The following SPATA13 variants were observed in gnomAD, a reference collection of about 807,000 sequenced individuals.
SPATA13 encodes spermatogenesis-associated protein 13.
Under a neutral mutation model 104.0 loss-of-function variants are expected in SPATA13, and 50 were observed. The observed-to-expected ratio is 0.48, with a 90% CI of 0.38 to 0.61. SPATA13 has a LOEUF of 0.61. Among genes scored for constraint, SPATA13 ranks in the 20% least tolerant of loss-of-function variants. SPATA13 has a pLI of 0.00. For missense variants in SPATA13, 1,524 were observed against 1,690.6 expected, an observed-to-expected ratio of 0.90 and a Z score of 1.73; for synonymous variants, 606 against 667.5, an observed-to-expected ratio of 0.91 and a Z score of 1.42.
At chr13:24,289,233 G>A (rs1876166131) in intron 8 of SPATA13, 55 bp downstream of exon 8, 3 of 1,430,088 alleles carry the variant, frequency 2.1e-6, no homozygotes, top group Non-Finnish European at 2.9e-6. Context: ...ATTTTGAAGT[G>A]CATCTCCACA....
At chr13:24,095,383 A>T (rs1880039404) in intron 3 of SPATA13, among the ~76,000 whole-genome samples, 1 of 152,116 alleles carries the variant, frequency 6.6e-6, no homozygotes, top group Admixed American at 6.5e-5. Flanking sequence ...AGAGATAGGA[A>T]ATAGAAGGGT....
intron 1 of SPATA13, among the ~76,000 whole-genome samples, chr13:24,200,581 T>A (rs1404536163): frequency 2.0e-5 from 3 of 151,894 alleles, no homozygotes; most frequent in Non-Finnish European, 4.4e-5. Context: ...TCTTTATTGG[T>A]TTTCAACACA....
chr13:24,086,415 G>A (rs1045434112), intron 3 of SPATA13, among the ~76,000 whole-genome samples: 2 of 152,074 alleles, frequency 1.3e-5, no homozygotes, highest in Non-Finnish European at 2.9e-5. Flanking sequence ...TGACAGCTGC[G>A]GTCGAAGAAG....
intron 3 of SPATA13, among the ~76,000 whole-genome samples, chr13:24,030,520 T>A (rs566015814): frequency 3.7e-4 from 57 of 152,134 alleles, no homozygotes; most frequent in Non-Finnish European, 6.3e-4. Flanking sequence ...TTTTCCCTAA[T>A]CTCCTGCCCA....
chr13:24,136,241 G>T (rs990519393), intron 3 of SPATA13, among the ~76,000 whole-genome samples: 1 of 152,196 alleles, frequency 6.6e-6, no homozygotes, highest in Non-Finnish European at 1.5e-5. Flanking sequence ...GGAGGCCGAG[G>T]TGAGGTGGGT....
rs1470727521 is a variant in SPATA13 at position 23,985,470 on chromosome 13, C to T, written c.-147+1537C>T. ...GGTCTCCTGCATGTTCACATCACCC[C>T]ATCCCCAATCCAGGCTCTGTCCCAT... On this transcript the variant is annotated intron_variant, in intron 2 of 14. Coordinates refer to the SPATA13 transcript ENST00000424834. 2.6e-5 allele frequency among the ~76,000 whole-genome samples: 4 copies of T among 152,238 alleles called. No homozygotes were observed. In the East Asian group the frequency reaches 7.7e-4, roughly 29 times the overall value.
At chr13:24,072,921 G>T (rs897935562) in intron 3 of SPATA13, among the ~76,000 whole-genome samples, 11 of 147,378 alleles carry the variant, frequency 7.5e-5, no homozygotes, top group African/African-American at 2.8e-4. Flanking sequence ...GATGACTCCA[G>T]CCCATATGTG....
chr13:24,197,446 G>A lies in SPATA13; in HGVS notation c.-111-25373G>A, dbSNP rs148963539. On this transcript the variant is annotated intron_variant, in intron 1 of 12. Transcript: ENST00000382108. ...TAGCTCATCAATGAGGGAACCAGCAGGATGTTGCCACTGACTTAGTCTGTC... is the reference window on the plus strand; with the variant it reads ...TAGCTCATCAATGAGGGAACCAGCAAGATGTTGCCACTGACTTAGTCTGTC... 5.5e-3 allele frequency among the ~76,000 whole-genome samples: 836 copies of A among 152,284 alleles called. 6 individuals carry two copies. Among genetic ancestry groups the A allele is most frequent in the African/African-American group, 0.018 (755 of 41,558 alleles).
At chr13:24,032,602 G>C (rs1478259374) in intron 3 of SPATA13, among the ~76,000 whole-genome samples, 1 of 152,200 alleles carries the variant, frequency 6.6e-6, no homozygotes, top group Non-Finnish European at 1.5e-5. Context: ...CGTTTCTGCA[G>C]TAATGGAGAG....
intron 2 of SPATA13, among the ~76,000 whole-genome samples, chr13:24,244,487 T>A (rs529660464): frequency 6.6e-6 from 1 of 152,244 alleles, no homozygotes; most frequent in Admixed American, 6.5e-5. Flanking sequence ...ATAGCCTATA[T>A]TGGCTTTTTA....
At chr13:24,287,207 C>A (rs1209265862) in intron 7 of SPATA13, among the ~76,000 whole-genome samples, 1 of 152,156 alleles carries the variant, frequency 6.6e-6, no homozygotes, top group Admixed American at 6.5e-5. Context: ...GTCATGCAGA[C>A]TGGAGTACAG....
chr13:24,197,932 A>G (rs371556296), intron 1 of SPATA13, among the ~76,000 whole-genome samples: 2 of 152,078 alleles, frequency 1.3e-5, no homozygotes, highest in African/African-American at 4.8e-5. Flanking sequence ...TTGCTTCTCA[A>G]AAACAGAACT....
intron 1 of SPATA13, among the ~76,000 whole-genome samples, chr13:24,170,423 G>T (rs547303767): frequency 2.9e-4 from 44 of 152,088 alleles, no homozygotes; most frequent in Non-Finnish European, 5.9e-4. Flanking sequence ...AATTTTTGTG[G>T]GTGGACACTA....
intron 12 of SPATA13, among the ~76,000 whole-genome samples, chr13:24,302,111 C>T (rs1877226551): frequency 6.6e-6 from 1 of 152,124 alleles, no homozygotes; most frequent in African/African-American, 2.4e-5. Flanking sequence ...CTGCCACTTC[C>T]CGCTGCACGT....
At chr13:24,066,061 C>A (rs1566090910) in intron 3 of SPATA13, among the ~76,000 whole-genome samples, 2 of 152,112 alleles carry the variant, frequency 1.3e-5, no homozygotes, top group African/African-American at 4.8e-5. Context: ...ATGTGTGAAA[C>A]AAATATAATC....
chr13:23,998,406 A>G (rs1319661337), intron 2 of SPATA13, among the ~76,000 whole-genome samples: 1 of 152,018 alleles, frequency 6.6e-6, no homozygotes, highest in Non-Finnish European at 1.5e-5. Context: ...TCTTTTGTCC[A>G]TTTTTATCAG....
rs1233937452 is a variant in SPATA13, at chr13:24,205,287, T to C, written c.-111-17532T>C. On this transcript the variant is annotated intron_variant, in intron 1 of 12. Coordinates refer to ENST00000382108, the MANE Select transcript of SPATA13 (RefSeq NM_001166271.3). This position sits in a 1 kb window ranked among gnomAD's most constrained non-coding sequence, Gnocchi z 4.1. ...ATGTGCAAAATTGCTAGCATTCCTG[T>C]ATACCAACAGTGGGCAAGCAGAAAG... Among the ~76,000 whole-genome samples the C allele has an allele frequency of 6.6e-6, 1 of 152,160 alleles. No individual in the cohort carries two copies. Among genetic ancestry groups the C allele is most frequent in the Non-Finnish European group, 1.5e-5 (1 of 68,032 alleles).
At chr13:24,236,488 G>A (rs557782322) in intron 2 of SPATA13, among the ~76,000 whole-genome samples, 7 of 151,634 alleles carry the variant, frequency 4.6e-5, no homozygotes, top group Non-Finnish European at 8.8e-5. Context: ...CCAGCTACTC[G>A]GGGAGGCTGA....
intron 3 of SPATA13, among the ~76,000 whole-genome samples, chr13:24,151,284 A>G (rs1269619245): frequency 1.3e-5 from 2 of 152,164 alleles, no homozygotes; most frequent in Non-Finnish European, 2.9e-5. Context: ...CTTGGTCTGA[A>G]TCCTTGCTCT....
Sources: gnomAD v4.1 joint callset for allele counts (sites outside exome capture counted in the v4.1 genomes callset) on GRCh38, gnomAD v4.1.1 for gene constraint, Gnocchi (gnomAD v3.1) non-coding constraint, MANE v1.5 for transcripts, NCBI Gene and HGNC (gene_info 2026-07-23, HGNC 2026-07-21) for gene names.